BABAM2: variants seen among roughly 807,000 people sequenced by gnomAD.
BABAM2 encodes the protein BRISC and BRCA1 A complex member 2.
Under a neutral mutation model 54.7 loss-of-function variants are expected in BABAM2, and 31 were observed. That is an observed-to-expected ratio of 0.57 (90% CI 0.43 to 0.77). The LOEUF is 0.77. Among genes scored for constraint, BABAM2 ranks in the 30% least tolerant of loss-of-function variants. BABAM2 has a pLI of 0.00. For synonymous variants in BABAM2, 167 were observed against 162.9 expected (o/e 1.03, Z -0.19); for missense variants, 364 against 455.8 (o/e 0.80, Z 1.83).
At chr2:28,187,437 T>C (rs745906976) in intron 7 of BABAM2, among the ~76,000 whole-genome samples, 8 of 152,156 alleles carry the variant, frequency 5.3e-5, no homozygotes, top group Admixed American at 2.0e-4. Flanking sequence ...GTTGTATAGC[T>C]CTTTCCACAT....
At chr2:28,319,378 C>T (rs917075032) in intron 11 of BABAM2, among the ~76,000 whole-genome samples, 3 of 152,264 alleles carry the variant, frequency 2.0e-5, no homozygotes, top group Non-Finnish European at 4.4e-5. Flanking sequence ...CAGCTTAGCA[C>T]GCAGAGCACA....
At chr2:28,102,664 AAAAC>A (rs1667187061) in intron 6 of BABAM2, among the ~76,000 whole-genome samples, 1 of 152,230 alleles carries the variant, frequency 6.6e-6, no homozygotes, top group Admixed American at 6.5e-5. Flanking sequence ...AGGATGCAGG[AAAAC>A]AGTGTCTTCC....
intron 7 of BABAM2, among the ~76,000 whole-genome samples, chr2:28,229,438 A>C (rs1036442898): frequency 6.6e-6 from 1 of 152,172 alleles, no homozygotes; most frequent in Non-Finnish European, 1.5e-5. Context: ...TGCTTAGTAA[A>C]TGGAGTTATT....
intron 3 of BABAM2, among the ~76,000 whole-genome samples, chr2:27,985,924 G>C (rs1672365419): frequency 6.6e-6 from 1 of 152,150 alleles, no homozygotes; most frequent in South Asian, 2.1e-4. Context: ...GGCGTAATTA[G>C]TCAGGATTTT....
intron 7 of BABAM2, among the ~76,000 whole-genome samples, chr2:28,176,596 A>C (rs1383803409): frequency 6.9e-6 from 1 of 145,934 alleles, no homozygotes; most frequent in African/African-American, 2.5e-5. Context: ...AAAAAAAAAA[A>C]CCTCACTGAG....
chr2:28,124,921 T>C (rs1383804149), intron 6 of BABAM2, among the ~76,000 whole-genome samples: 1 of 152,192 alleles, frequency 6.6e-6, no homozygotes, highest in Non-Finnish European at 1.5e-5. Context: ...CTAAATTTTC[T>C]GTGATGGCAG....
At chr2:28,143,482 AAG>A (rs974154098) in intron 7 of BABAM2, among the ~76,000 whole-genome samples, 2 of 152,120 alleles carry the variant, frequency 1.3e-5, no homozygotes, top group East Asian at 1.9e-4. Flanking sequence ...AAAATTTGCT[AAG>A]AGAGTAGATT....
intron 6 of BABAM2, among the ~76,000 whole-genome samples, chr2:28,112,153 C>CTTT (rs1558346881): frequency 7.6e-4 from 6 of 7,920 alleles, no homozygotes; most frequent in African/African-American, 3.4e-3. Context: ...TTCTTTACCT[C>CTTT]CCTCCCTCCC....
intron 1 of BABAM2, among the ~76,000 whole-genome samples, chr2:27,894,012 A>C (rs1044335945): frequency 9.9e-5 from 15 of 151,760 alleles, no homozygotes; most frequent in Non-Finnish European, 2.1e-4. Flanking sequence ...AGAAAAAAAA[A>C]GAAAGATATA....
At chr2:28,048,158 C>G (rs1259651331) in intron 6 of BABAM2, among the ~76,000 whole-genome samples, 3 of 152,146 alleles carry the variant, frequency 2.0e-5, no homozygotes, top group Non-Finnish European at 4.4e-5. Flanking sequence ...GAAGGTAGAA[C>G]TTGAAAATAT....
At chr2:27,968,330 A>C (rs1670971178) in intron 3 of BABAM2, among the ~76,000 whole-genome samples, 1 of 152,250 alleles carries the variant, frequency 6.6e-6, no homozygotes, top group Non-Finnish European at 1.5e-5. Context: ...GAGCCTTGGC[A>C]GCTTCCATGT....
chr2:27,964,228 C>T (rs1050714114), intron 3 of BABAM2, among the ~76,000 whole-genome samples: 7 of 152,116 alleles, frequency 4.6e-5, no homozygotes, highest in Non-Finnish European at 4.4e-5. Context: ...TGCCATGTTT[C>T]GATGCAGCAT....
intron 7 of BABAM2, among the ~76,000 whole-genome samples, chr2:28,154,697 C>G (rs1672381046): frequency 1.3e-5 from 2 of 152,086 alleles, no homozygotes; most frequent in Admixed American, 1.3e-4. Context: ...CAGCAAACTT[C>G]TAGCTAGAAG....
At chr2:28,298,918 G>A (rs1687905158) in intron 11 of BABAM2, among the ~76,000 whole-genome samples, 1 of 152,060 alleles carries the variant, frequency 6.6e-6, no homozygotes, top group South Asian at 2.1e-4. Context: ...ATAGGAATTC[G>A]AGTTGTGGGT....
rs1212647867 is a variant in BABAM2 at position 28,165,510 on chromosome 2, C to CT, written c.680+36143dup. Among the ~76,000 whole-genome samples the CT allele has an allele frequency of 2.5e-3, 201 of 81,332 alleles. 1 individual carries two copies. The highest frequency in any genetic ancestry group is 0.012 in the East Asian group (36 of 2,996). 53.4% of individuals were successfully genotyped at this position (81,332 alleles called of 152,430 possible). The stretch of plus-strand genomic sequence containing the variant: ...AATGGTGGGGGAAGGGGCACTGAAG[C>CT]TTTTTTTTTTTTTCCTTGCTTTTTT... On this transcript the variant is annotated intron_variant, in intron 7 of 11. Coordinates refer to ENST00000379624, the MANE Select transcript of BABAM2 (RefSeq NM_199191.3).
At chr2:28,028,714 G>A (rs111563359) in intron 5 of BABAM2, among the ~76,000 whole-genome samples, 24 of 152,222 alleles carry the variant, frequency 1.6e-4, no homozygotes, top group African/African-American at 5.5e-4. Context: ...AGGTTTCCCT[G>A]TCTTTTTTAG....
At chr2:28,174,755 CCT>C (rs1025179389) in intron 7 of BABAM2, among the ~76,000 whole-genome samples, 1 of 152,180 alleles carries the variant, frequency 6.6e-6, no homozygotes, top group Non-Finnish European at 1.5e-5. Context: ...ACATGCATCC[CCT>C]GAGTCCTAAG....
chr2:28,056,365 C>G (rs1678415948), intron 6 of BABAM2, among the ~76,000 whole-genome samples: 1 of 152,070 alleles, frequency 6.6e-6, no homozygotes, highest in Admixed American at 6.5e-5. Context: ...GTATATATCC[C>G]ATAACATCAG....
intron 6 of BABAM2, among the ~76,000 whole-genome samples, chr2:28,073,072 T>G (rs1295732999): frequency 2.0e-5 from 3 of 152,246 alleles, no homozygotes; most frequent in African/African-American, 7.2e-5. Flanking sequence ...GGTATTGAGC[T>G]GGCTCTGCCG....
Sources: allele counts gnomAD v4.1 joint callset (sites outside exome capture counted in the v4.1 genomes callset), GRCh38; gene constraint gnomAD v4.1.1; transcripts MANE v1.5; gene names NCBI Gene and HGNC (gene_info 2026-07-23, HGNC 2026-07-21).